NRXN3: variants seen among roughly 807,000 people sequenced by gnomAD.
NRXN3 encodes the protein neurexin III.
Under a neutral mutation model 137.6 loss-of-function variants are expected in NRXN3, and 32 were observed. The ratio of observed to expected loss-of-function variants is 0.23; its 90% confidence interval spans 0.18 to 0.31. The LOEUF (loss-of-function observed/expected upper bound fraction) is 0.31. Among genes scored for constraint, NRXN3 ranks in the 10% least tolerant of loss-of-function variants. The probability of loss-of-function intolerance (pLI) is 1.00; values close to 1 mark genes in which losing one functional copy is unlikely to be tolerated. For missense variants in NRXN3, 1,574 were observed against 2,062.5 expected (o/e 0.76, Z 4.59); for synonymous variants, 798 against 784.5 (o/e 1.02, Z -0.29).
chr14:79,793,670 G>A (rs1001617141), intron 19 of NRXN3, among the ~76,000 whole-genome samples: 3 of 152,166 alleles, frequency 2.0e-5, no homozygotes, highest in African/African-American at 7.2e-5. Flanking sequence ...TGTTAAAAGT[G>A]CTAGAATAGA....
chr14:79,067,324 C>G (rs368957644), intron 15 of NRXN3, among the ~76,000 whole-genome samples: 1 of 152,092 alleles, frequency 6.6e-6, no homozygotes, highest in Admixed American at 6.6e-5. Flanking sequence ...CCAACTTGAT[C>G]GTGGTGGATA....
intron 15 of NRXN3, among the ~76,000 whole-genome samples, chr14:79,024,708 G>A (rs924121948): frequency 6.6e-6 from 1 of 152,082 alleles, no homozygotes; most frequent in Non-Finnish European, 1.5e-5. Flanking sequence ...GTATAATATT[G>A]TGATTATCTC....
chr14:78,265,721 A>G (rs1179165535), intron 2 of NRXN3, among the ~76,000 whole-genome samples: 1 of 152,154 alleles, frequency 6.6e-6, no homozygotes, highest in Non-Finnish European at 1.5e-5. Flanking sequence ...GATGCAGATG[A>G]CCTCAATTCT....
At chr14:79,853,780 A>G (rs1213056317) in intron 20 of NRXN3, 7 of 1,012,954 alleles carry the variant, frequency 6.9e-6, no homozygotes, top group Non-Finnish European at 8.3e-6. Context: ...ACAAAAAAAT[A>G]TATATATCTG....
intron 17 of NRXN3, among the ~76,000 whole-genome samples, chr14:79,667,501 G>A (rs1372543207): frequency 5.9e-5 from 9 of 152,070 alleles, no homozygotes; most frequent in South Asian, 2.1e-4. Flanking sequence ...ACATCCCACC[G>A]TGAAATATTT....
chr14:79,211,612 T>A (rs2067673348), intron 15 of NRXN3, among the ~76,000 whole-genome samples: 1 of 152,172 alleles, frequency 6.6e-6, no homozygotes. Context: ...AGTTCAGATG[T>A]GAATCCAGTT....
chr14:78,724,312 A>G (rs898370080), intron 8 of NRXN3, among the ~76,000 whole-genome samples: 1 of 152,238 alleles, frequency 6.6e-6, no homozygotes, highest in Non-Finnish European at 1.5e-5. Flanking sequence ...TAATCCCACC[A>G]AGGACTGTTA....
intron 16 of NRXN3, among the ~76,000 whole-genome samples, chr14:79,584,859 A>G (rs781469913): frequency 2.3e-4 from 35 of 152,310 alleles, no homozygotes; most frequent in South Asian, 6.2e-4. Context: ...AGCAGGAGAG[A>G]GAGAATATGA....
At chr14:79,673,957 G>A (rs911834388) in intron 17 of NRXN3, among the ~76,000 whole-genome samples, 2 of 152,050 alleles carry the variant, frequency 1.3e-5, no homozygotes, top group African/African-American at 4.8e-5. Flanking sequence ...AAGCCTGTAT[G>A]TCTTAGAAGG....
At chr14:78,844,070 G>A (rs1195368042) in intron 10 of NRXN3, among the ~76,000 whole-genome samples, 1 of 152,098 alleles carries the variant, frequency 6.6e-6, no homozygotes, top group Non-Finnish European at 1.5e-5. Flanking sequence ...CAAAGTTTTA[G>A]TCCCTCCAGA....
At chr14:78,200,567 T>C (rs1330647316) in intron 1 of NRXN3, among the ~76,000 whole-genome samples, 1 of 152,202 alleles carries the variant, frequency 6.6e-6, no homozygotes, top group Non-Finnish European at 1.5e-5. Flanking sequence ...ATGCACATGG[T>C]TGAAAACCAT....
chr14:79,226,286 A>G (rs1276015124), intron 15 of NRXN3, among the ~76,000 whole-genome samples: 1 of 152,202 alleles, frequency 6.6e-6, no homozygotes, highest in Non-Finnish European at 1.5e-5. Flanking sequence ...TATGTGCAAT[A>G]TATTTATTCT....
intron 17 of NRXN3, among the ~76,000 whole-genome samples, chr14:79,682,124 T>G (rs1344744277): frequency 1.3e-5 from 2 of 152,208 alleles, no homozygotes; most frequent in South Asian, 4.1e-4. Context: ...TCTATCAGTG[T>G]TATTTGTAAA....
intron 3 of NRXN3, among the ~76,000 whole-genome samples, chr14:78,291,446 T>A (rs1304329394): frequency 1.3e-5 from 2 of 152,248 alleles, no homozygotes; most frequent in Admixed American, 1.3e-4. Context: ...TGCTAAGATG[T>A]GTATTTCAAC....
intron 14 of NRXN3, among the ~76,000 whole-genome samples, chr14:78,980,245 A>G (rs1199707864): frequency 6.6e-6 from 1 of 152,176 alleles, no homozygotes; most frequent in Non-Finnish European, 1.5e-5. Context: ...TGAGAAGACA[A>G]ACTTGATATG....
chr14:78,179,766 T>A (rs2059610706), intron 1 of NRXN3, among the ~76,000 whole-genome samples: 1 of 151,884 alleles, frequency 6.6e-6, no homozygotes, highest in African/African-American at 2.4e-5. Flanking sequence ...ATAGAGACTG[T>A]GTACCCAGTC....
intron 4 of NRXN3, among the ~76,000 whole-genome samples, chr14:78,453,887 T>C (rs1167690042): frequency 6.6e-6 from 1 of 152,148 alleles, no homozygotes; most frequent in Non-Finnish European, 1.5e-5. Context: ...TGAAACAGAC[T>C]CTCCCTTAGA....
chr14:79,656,616 CT>C (rs58620442), intron 16 of NRXN3, among the ~76,000 whole-genome samples: 30,485 of 137,606 alleles, frequency 0.22, 2,819 homozygotes, highest in Middle Eastern at 0.33. Context: ...CTCTCTCTCT[CT>C]TTTTTTTTTT....
intron 19 of NRXN3, among the ~76,000 whole-genome samples, chr14:79,755,179 C>G (rs145569694): frequency 6.6e-6 from 1 of 152,014 alleles, no homozygotes; most frequent in Non-Finnish European, 1.5e-5. Context: ...TGATATAAAC[C>G]TATACATATC....
Sources: allele counts gnomAD v4.1 joint callset (sites outside exome capture counted in the v4.1 genomes callset), GRCh38; gene constraint gnomAD v4.1.1; transcripts MANE v1.5; gene names NCBI Gene and HGNC (gene_info 2026-07-23, HGNC 2026-07-21).